The following SLC44A2 variants were observed in gnomAD, a reference collection of about 807,000 sequenced individuals.
The protein encoded by SLC44A2 is choline transporter-like protein 2.
SLC44A2 carries 57 observed loss-of-function variants against 90.8 expected under a neutral mutation model. The observed-to-expected ratio is 0.63, with a 90% confidence interval of 0.51 to 0.78. The LOEUF (loss-of-function observed/expected upper bound fraction) is 0.78. Ranked by LOEUF, SLC44A2 falls within the 30% of genes least tolerant of loss-of-function variation. The pLI, the probability that SLC44A2 is intolerant of heterozygous loss-of-function variation, is 0.00. For synonymous variants in SLC44A2, 355 were observed against 360.7 expected, an observed-to-expected ratio of 0.98 and a Z score of 0.18; for missense variants, 794 against 919.7, an observed-to-expected ratio of 0.86 and a Z score of 1.77.
intron 1 of SLC44A2, among the ~76,000 whole-genome samples, 169 bp downstream of exon 1, chr19:10,625,839 C>T (rs2066927626): frequency 6.6e-6 from 1 of 151,186 alleles, no homozygotes; most frequent in African/African-American, 2.5e-5. Flanking sequence ...ACTTATCCCC[C>T]GCAGCCTCGC....
At chr19:10,627,437 A>G (rs72620551) in intron 2 of SLC44A2, among the ~76,000 whole-genome samples, 5,121 of 152,136 alleles carry the variant, frequency 0.034, 238 homozygotes, top group East Asian at 0.11. Context: ...ACTACTTGGG[A>G]AGCTGAGGCA....
rs199917631 is a variant in SLC44A2, at chr19:10,636,528, G to T, written c.1439G>T (p.Arg480Leu). 7.4e-5 allele frequency: 119 copies of T among 1,610,128 alleles called. 1 individual carries two copies. The Middle Eastern group carries it at 2.8e-3, about 38-fold the overall frequency. ...TTTGCCTCCTACTACTGGGCCCTGC[G>T]CAAGCCGGACGACCTGCCGGCCTTC... ...GAFASYYWAL[R>L]KPDDLPAFPL... The change falls in exon 15 of 22, where the codon CGC becomes CTC. Residue 480 changes from arginine (R) to leucine (L), a missense_variant. Arg to Leu is a moderately radical substitution (Grantham distance 102, BLOSUM62 -2). Coordinates refer to ENST00000335757, the MANE Select transcript of SLC44A2 (RefSeq NM_020428.4).
Position 10,634,707 on chromosome 19 carries a change from A to G in SLC44A2, c.824-49A>G, listed in dbSNP as rs1402078624. Reference sequence around the variant, plus strand: ...ATGGGGGCAGTTGTAGCTGCTTTGCAAAGTTGCAGGAGGCACTGCTGGACT... The same window carrying G: ...ATGGGGGCAGTTGTAGCTGCTTTGCGAAGTTGCAGGAGGCACTGCTGGACT... On this transcript the variant is annotated intron_variant, in intron 10 of 21. Transcript: ENST00000335757. The G allele has an allele frequency of 4.3e-6, 7 of 1,610,610 alleles. No homozygotes were observed. The South Asian group carries it at 7.7e-5, about 18-fold the overall frequency.
At chr19:10,603,044 C>T (rs1296421929) in intron 1 of SLC44A2, among the ~76,000 whole-genome samples, 1 of 152,208 alleles carries the variant, frequency 6.6e-6, no homozygotes, top group Non-Finnish European at 1.5e-5. Context: ...GCTGAGAGCC[C>T]ACCGAGTCTG....
At position 10,608,584 on chromosome 19, in the gene SLC44A2, C is replaced by T. The variant is rs569627601; in HGVS notation, c.31+6023C>T. Among the ~76,000 whole-genome samples, 5 of 151,684 alleles carry T rather than the reference C, an allele frequency of 3.3e-5. No homozygotes were observed. The South Asian group carries it at 1.0e-3, about 32-fold the overall frequency. ...GAGGAAAAAAGAACATTTCCAGGGC[C>T]CTGTCATGTGCAAGGAGGGCCTATT... On this transcript the variant is annotated intron_variant, in intron 1 of 21. Coordinates refer to the SLC44A2 transcript ENST00000407327.
At chr19:10,635,734 T>C in intron 14 of SLC44A2, 1 of 487,308 alleles carries the variant, frequency 2.1e-6, no homozygotes, top group Non-Finnish European at 3.6e-6. Context: ...TGACCAGGCC[T>C]TCACCCTGGG....
upstream of SLC44A2, among the ~76,000 whole-genome samples, chr19:10,624,593 TATGCCTG>T (rs1568447110): frequency 6.6e-6 from 1 of 152,270 alleles, no homozygotes; most frequent in African/African-American, 2.4e-5. Context: ...GCACCTGGCC[TATGCCTG>T]CTCTTTGAGG....
chr19:10,642,308 G>A (rs2067125213), intron 20 of SLC44A2, 59 bp from the exon 21 acceptor site: 5 of 1,443,518 alleles, frequency 3.5e-6, no homozygotes, highest in African/African-American at 1.4e-5. Context: ...TGGACTCAGG[G>A]GGTGGGGGCT....
At chr19:10,640,879 G>A (rs2067107964) in intron 20 of SLC44A2, among the ~76,000 whole-genome samples, 1 of 151,756 alleles carries the variant, frequency 6.6e-6, no homozygotes. Context: ...AACGTCAGGA[G>A]ATTGAGACCA....
intron 21 of SLC44A2, 26 bp from the exon 22 acceptor site, chr19:10,643,253 T>C: frequency 4.4e-6 from 7 of 1,599,420 alleles, no homozygotes; most frequent in Non-Finnish European, 6.0e-6. Context: ...CCCTCATGCC[T>C]CCTGCTCTGG....
intron 21 of SLC44A2, chr19:10,642,931 G>A (rs777218506): frequency 1.4e-4 from 230 of 1,595,188 alleles, no homozygotes; most frequent in Non-Finnish European, 1.8e-4. Context: ...GCTCTCAGGA[G>A]CGACCCTACT....
intron 4 of SLC44A2, among the ~76,000 whole-genome samples, chr19:10,629,028 C>T (rs1004245985): frequency 1.3e-4 from 20 of 151,640 alleles, no homozygotes; most frequent in Non-Finnish European, 1.3e-4. Flanking sequence ...ATGGTGAAAC[C>T]CCGTCTCTAC....
At position 10,640,583 on chromosome 19, in the gene SLC44A2, C is replaced by T. The variant is rs546860287; in HGVS notation, c.1930-1784C>T. Among the ~76,000 whole-genome samples, 6 of 152,158 alleles carry T rather than the reference C, an allele frequency of 3.9e-5. No individual in the cohort carries two copies. In the East Asian group the frequency reaches 5.8e-4, roughly 15 times the overall value. ...CAAGGACTACAGGCATGAGCCACCA[C>T]GCCCAGCCAGGTCCACTGACTTCAG... On this transcript the variant is annotated intron_variant, in intron 20 of 21. Transcript: ENST00000335757.
chr19:10,603,472 C>A (rs1324825384), intron 1 of SLC44A2, among the ~76,000 whole-genome samples: 2 of 152,218 alleles, frequency 1.3e-5, no homozygotes, highest in Non-Finnish European at 2.9e-5. Flanking sequence ...GAAACTGTGA[C>A]ACTGAAGGGC....
chr19:10,621,422 G>GGT (rs2066893556), upstream of SLC44A2, among the ~76,000 whole-genome samples: 1 of 89,440 alleles, frequency 1.1e-5, no homozygotes, highest in African/African-American at 4.5e-5. Flanking sequence ...ATGGTTGGGT[G>GGT]TTTTTTTTTT....
intron 1 of SLC44A2, among the ~76,000 whole-genome samples, chr19:10,613,922 T>A (rs2066834340): frequency 6.6e-6 from 1 of 152,062 alleles, no homozygotes; most frequent in Admixed American, 6.6e-5. Flanking sequence ...TGTGCTTCTG[T>A]CCTCCTGAGC....
chr19:10,613,829 G>A (rs1378454411), intron 1 of SLC44A2, among the ~76,000 whole-genome samples: 2 of 152,110 alleles, frequency 1.3e-5, no homozygotes, highest in African/African-American at 2.4e-5. Context: ...AGGTGAAACA[G>A]ACAAGGAAAC....
At chr19:10,616,033 G>C (rs1431367501) in intron 1 of SLC44A2, among the ~76,000 whole-genome samples, 1 of 151,778 alleles carries the variant, frequency 6.6e-6, no homozygotes, top group Non-Finnish European at 1.5e-5. Context: ...ATGGTGACAT[G>C]TGCCAGCTGA....
upstream of SLC44A2, among the ~76,000 whole-genome samples, chr19:10,621,442 G>GT (rs1568446226): frequency 9.6e-6 from 1 of 103,666 alleles, no homozygotes; most frequent in African/African-American, 3.8e-5. Flanking sequence ...TTTTTTTTTT[G>GT]GTTTTTGTGG....
Sources: allele counts gnomAD v4.1 joint callset (sites outside exome capture counted in the v4.1 genomes callset), GRCh38; gene constraint gnomAD v4.1.1; transcripts MANE v1.5; gene names NCBI Gene and HGNC (gene_info 2026-07-23, HGNC 2026-07-21).